The following HEATR4 variants were observed in gnomAD, a reference collection of about 807,000 sequenced individuals.
The protein encoded by HEATR4 is HEAT repeat-containing protein 4.
HEATR4 carries 95 observed loss-of-function variants against 108.8 expected under a neutral mutation model. The ratio of observed to expected loss-of-function variants is 0.87; its 90% CI spans 0.74 to 1.04. The LOEUF (loss-of-function observed/expected upper bound fraction) is 1.04. Among genes scored for constraint, HEATR4 ranks in the 50% least tolerant of loss-of-function variants. The pLI, the probability that HEATR4 is intolerant of heterozygous loss-of-function variation, is 0.00. For missense variants in HEATR4, 1,152 were observed against 1,253.8 expected, an observed-to-expected ratio of 0.92 and a Z score of 1.23; for synonymous variants, 443 against 459.4, an observed-to-expected ratio of 0.96 and a Z score of 0.46.
In HEATR4 at chr14:73,541,340, G is replaced by A. The variant is rs1463735975; in HGVS notation, c.-151-11096C>T. ...CTATAAACACTTGCCAGAAGTTTCT[G>A]GACGAACACAGGTTTTCATTTCTCG... On this transcript the variant is annotated intron_variant, in intron 1 of 17. Coordinates refer to ENST00000553558, the MANE Select transcript of HEATR4 (RefSeq NM_001220484.1). 5.3e-5 allele frequency among the ~76,000 whole-genome samples: 6 copies of A among 112,234 alleles called. 2 individuals are homozygous for A. The highest frequency in any genetic ancestry group is 1.1e-4 in the Non-Finnish European group (6 of 52,184). The allele number at this position is 112,234 out of a possible 152,430, so 73.6% of individuals were successfully genotyped here. A position where few individuals can be genotyped will look rare whatever the true frequency, so the allele number is the denominator to read the frequency against.
chr14:73,551,356 T>TC lies in HEATR4; in HGVS notation c.-152+7394_-152+7395insG, dbSNP rs1409144678. Among the ~76,000 whole-genome samples, 14 of 114,528 alleles carry TC rather than the reference T, an allele frequency of 1.2e-4. 5 individuals carry two copies. The highest frequency in any genetic ancestry group is 3.4e-4 in the African/African-American group (12 of 35,256). 75.1% of individuals were successfully genotyped at this position (114,528 alleles called of 152,430 possible). A position where few individuals can be genotyped will look rare whatever the true frequency, so the allele number is the denominator to read the frequency against. ...CCCACTAGGAATGTCAGGTGGTGGT[T>TC]GACAGTTATCACGTTGCCTCTCTAA... On this transcript the variant is annotated intron_variant, in intron 1 of 17. Transcript: ENST00000553558.
chr14:73,626,279 C>G, the HEATR4 span, among the ~76,000 whole-genome samples: 1 of 146,844 alleles, frequency 6.8e-6, no homozygotes, highest in Admixed American at 6.7e-5. Flanking sequence ...TTAAGAAAAT[C>G]GCAAAAAAAA....
chr14:73,579,467 C>T, the HEATR4 span, among the ~76,000 whole-genome samples: 12 of 140,914 alleles, frequency 8.5e-5, no homozygotes, highest in African/African-American at 3.2e-4. Context: ...CCCAGCTACT[C>T]GGGAGGCTGT....
chr14:73,526,416 G>T lies in HEATR4; in HGVS notation c.-72-3192C>A, dbSNP rs187172537. Among the ~76,000 whole-genome samples the T allele has an allele frequency of 6.6e-5, 10 of 152,314 alleles. No homozygotes were observed. The East Asian group carries it at 9.6e-4, about 15-fold the overall frequency. The stretch of plus-strand genomic sequence containing the variant: ...CCCTGGAGATGCACTGGTCATGGAG[G>T]CAGTGGACTTTGGGTGTGTGTGACC... On this transcript the variant is annotated intron_variant, in intron 2 of 17. Transcript: ENST00000553558.
intron 2 of HEATR4, among the ~76,000 whole-genome samples, chr14:73,526,742 C>T (rs1888364985): frequency 6.6e-6 from 1 of 152,232 alleles, no homozygotes; most frequent in South Asian, 2.1e-4. Context: ...CAGGATTCCC[C>T]ACCTGCTGAC....
the HEATR4 span, chr14:73,595,705 C>G: frequency 2.7e-6 from 4 of 1,498,086 alleles, no homozygotes; most frequent in Non-Finnish European, 3.6e-6. Flanking sequence ...TTCTAGTGTT[C>G]AGTAACCCTA....
At chr14:73,569,272 A>G in the HEATR4 span, 1 of 1,613,796 alleles carries the variant, frequency 6.2e-7, no homozygotes, top group Non-Finnish European at 8.5e-7. Flanking sequence ...CCCCACCCCC[A>G]TTCAGTTGTT....
chr14:73,500,466 G>A, intron 12 of HEATR4, 84 bp downstream of exon 12: 8 of 1,385,482 alleles, frequency 5.8e-6, no homozygotes, highest in Non-Finnish European at 8.0e-6. Context: ...CCCACAGAAT[G>A]TTGAGCATAC....
At chr14:73,506,789 T>C (rs1886857937) in intron 9 of HEATR4, among the ~76,000 whole-genome samples, 1 of 148,748 alleles carries the variant, frequency 6.7e-6, no homozygotes, top group Non-Finnish European at 1.5e-5. Flanking sequence ...GGACCTTCCT[T>C]TCCTGACTTT....
the HEATR4 span, chr14:73,612,443 C>T: frequency 1.8e-3 from 1,038 of 592,904 alleles, 12 homozygotes; most frequent in African/African-American, 0.019. Flanking sequence ...TGGAGCCTGT[C>T]CCCAAGTCCA....
intron 2 of HEATR4, among the ~76,000 whole-genome samples, chr14:73,525,674 C>T (rs1476084896): frequency 2.0e-5 from 3 of 152,120 alleles, no homozygotes; most frequent in Non-Finnish European, 4.4e-5. Context: ...ACCTTTAGGC[C>T]GGATGCGGTG....
chr14:73,619,821 C>G, the HEATR4 span: 1 of 1,602,084 alleles, frequency 6.2e-7, no homozygotes, highest in African/African-American at 1.3e-5. Context: ...AAAAATCTGT[C>G]AAGCACAGCA....
At chr14:73,499,788 A>T (rs931788573) in intron 12 of HEATR4, among the ~76,000 whole-genome samples, 2 of 152,154 alleles carry the variant, frequency 1.3e-5, no homozygotes, top group African/African-American at 2.4e-5. Context: ...AGGTAATGAG[A>T]AGCTAGTTAA....
chr14:73,619,156 T>C, the HEATR4 span: 246 of 1,482,086 alleles, frequency 1.7e-4, 1 homozygote, highest in African/African-American at 2.9e-3. Context: ...AGAAAGCTAC[T>C]TGGAGAATGT....
Position 73,522,696 on chromosome 14 carries a change from G to T in HEATR4, c.457C>A (p.Pro153Thr). The change falls in exon 3 of 18, where the codon CCA becomes ACA. Residue 153 changes from proline (P) to threonine (T), a missense_variant. By Grantham distance (38) the Pro-to-Thr change is conservative. Transcript: ENST00000553558. ...GGTGCTTCCCGGACGGTGCTGGCTG[G>T]CTTTGATTTCTTCAGCTTCTTTTCG... is the stretch of plus-strand genomic sequence containing the variant. ...NPEKKLKKSK[P>T]ASTVREAPRP... 6.2e-7 allele frequency: 1 copy of T among 1,614,218 alleles called. No individual in the cohort carries two copies. The highest frequency in any genetic ancestry group is 8.5e-7 in the Non-Finnish European group (1 of 1,180,044).
chr14:73,569,587 C>G, the HEATR4 span: 3 of 1,601,296 alleles, frequency 1.9e-6, no homozygotes, highest in Non-Finnish European at 2.6e-6. Context: ...CGCTACCGCG[C>G]CGACACTCTT....
Position 73,509,810 on chromosome 14 carries a change from C to CTATATATATATATA in HEATR4, c.1559-338_1559-337insTATATATATATATA, listed in dbSNP as rs1887091045. On this transcript the variant is annotated intron_variant, in intron 7 of 17. Transcript: ENST00000553558. Reference sequence around the variant, plus strand: ...AAAGCAACCAATTTGCCCCATGAGCCCATATATATATATATATATATATAT... The same window carrying CTATATATATATATA: ...AAAGCAACCAATTTGCCCCATGAGCCTATATATATATATACATATATATATATATATATATATAT... 7.9e-5 allele frequency among the ~76,000 whole-genome samples: 5 copies of CTATATATATATATA among 63,210 alleles called. 1 individual carries two copies. The highest frequency in any genetic ancestry group is 1.5e-4 in the Non-Finnish European group (5 of 32,726). The allele number at this position is 63,210 out of a possible 152,430, so 41.5% of individuals were successfully genotyped here. A position where few individuals can be genotyped will look rare whatever the true frequency, so the allele number is the denominator to read the frequency against.
chr14:73,562,539 G>A (rs572517868), upstream of HEATR4, among the ~76,000 whole-genome samples: 7 of 152,154 alleles, frequency 4.6e-5, no homozygotes, highest in Admixed American at 1.3e-4. Flanking sequence ...GGCCAAAAGA[G>A]CCATATTTTT....
At chr14:73,479,105 A>ATTTT (rs201176343) in intron 17 of HEATR4, among the ~76,000 whole-genome samples, 6,987 of 149,752 alleles carry the variant, frequency 0.047, 554 homozygotes, top group African/African-American at 0.17. Flanking sequence ...CGCCCAGCTA[A>ATTTT]TTTTTTTGTT....
Sources: gnomAD v4.1 joint callset for allele counts (sites outside exome capture counted in the v4.1 genomes callset) on GRCh38, gnomAD v4.1.1 for gene constraint, MANE v1.5 for transcripts, NCBI Gene and HGNC (gene_info 2026-07-23, HGNC 2026-07-21) for gene names.